Variants in NOP53 observed in about 807,000 individuals in gnomAD.
NOP53 encodes the protein NOP53 ribosome biogenesis factor.
Under a neutral mutation model 61.0 loss-of-function variants are expected in NOP53, and 40 were observed. That is an observed-to-expected ratio of 0.66 (90% confidence interval 0.51 to 0.85). The LOEUF (loss-of-function observed/expected upper bound fraction) is 0.85. NOP53 is among the 40% of genes least tolerant of loss of function. NOP53 has a pLI of 0.00. For synonymous variants in NOP53, 308 were observed against 289.5 expected (o/e 1.06, Z -0.65); for missense variants, 689 against 652.9 (o/e 1.06, Z -0.60).
intron 3 of NOP53, among the ~76,000 whole-genome samples, 180 bp from the exon 4 acceptor site, chr19:47,750,728 G>A (rs1424292415): frequency 6.6e-6 from 1 of 152,122 alleles, no homozygotes; most frequent in Non-Finnish European, 1.5e-5. Context: ...CAGAGGGGAG[G>A]CCTAGGCTGG....
Position 47,754,540 on chromosome 19 carries a change from C to G in NOP53, c.779C>G (p.Ala260Gly). The change falls in exon 7 of 13, where the codon GCG becomes GGG. Residue 260 changes from alanine (A) to glycine (G), a missense_variant. By Grantham distance (60) the Ala-to-Gly change is moderately conservative. Coordinates refer to ENST00000246802, the MANE Select transcript of NOP53 (RefSeq NM_015710.5). The surrounding 1 kb of genome is among the most constrained non-coding windows in gnomAD (Gnocchi z 4.2). Reference sequence around the variant, plus strand: ...CCCGCCCCTCAGACCCTGCTCTCAGCGGCCCACGAGGTGGAGTTGCAGCGG... The same window carrying G: ...CCCGCCCCTCAGACCCTGCTCTCAGGGGCCCACGAGGTGGAGTTGCAGCGG... Reference protein sequence around the residue: ...SFEDHQTLLSAAHEVELQRQK... With the variant: ...SFEDHQTLLSGAHEVELQRQK... 1 of 1,550,302 alleles carries G rather than the reference C, an allele frequency of 6.5e-7. No individual in the cohort carries two copies. Among genetic ancestry groups the G allele is most frequent in the Non-Finnish European group, 8.7e-7 (1 of 1,147,346 alleles).
chr19:47,745,959 T>C, intron 1 of NOP53, 176 bp downstream of exon 1: 4 of 558,576 alleles, frequency 7.2e-6, no homozygotes, highest in Non-Finnish European at 1.3e-5. Flanking sequence ...CATGGGAAGC[T>C]GGAGAGCTTG....
In NOP53 at chr19:47,756,591, C is replaced by T. The variant is rs141718194; in HGVS notation, c.1360C>T (p.Arg454Ter). 5 of 1,614,028 alleles carry T rather than the reference C, an allele frequency of 3.1e-6. No homozygotes were observed. The highest frequency in any genetic ancestry group is 1.1e-5 in the South Asian group (1 of 91,082). ...CCAGAGGAGGAATATGATCGAGCCT[C>T]GAGAGAGAGCCAAGTAAGGGGCGGC... ...SFQRRNMIEP[R>*]ERAKFKRKYK... Residue 454 changes from arginine (R) to a stop codon, truncating the protein, a stop_gained, in exon 11 of 13, where the codon CGA becomes TGA. Transcript: ENST00000246802. LOFTEE classifies it high-confidence loss of function.
In NOP53 at chr19:47,751,580, A is replaced by G. The variant is rs759329135; in HGVS notation, c.659A>G (p.Lys220Arg). 1 of 1,613,618 alleles carries G rather than the reference A, an allele frequency of 6.2e-7. No homozygotes were observed. The highest frequency in any genetic ancestry group is 1.7e-5 in the Admixed American group (1 of 59,996). Residue 220 changes from lysine (K) to arginine (R), a missense_variant, in exon 5 of 13, where the codon AAA becomes AGA. Transcript: ENST00000246802. ...DEFFLEQTKK[K>R]GVKRPARLHT... is the part of the protein sequence containing the mutation. Reference sequence around the variant, plus strand: ...TTTTTCCTGGAGCAGACCAAGAAGAAAGGAGTGAAGGTGAGATGTGTGGGA... The same window carrying G: ...TTTTTCCTGGAGCAGACCAAGAAGAGAGGAGTGAAGGTGAGATGTGTGGGA...
In NOP53 at chr19:47,750,926, C is replaced by T; in HGVS notation, c.417C>T (p.Val139=). The change falls in exon 4 of 13, where the codon GTC becomes GTT. Residue 139 remains valine (V), a synonymous_variant. Transcript: ENST00000246802. ...CGACCAGCGTCCTCGCCCACCAGGT[C>T]CCCAACGCCAAGAAGCTCAGGCGGA... is the stretch of plus-strand genomic sequence containing the variant. ...PAPKDVLAHQ[V]PNAKKLRRKE... The T allele has an allele frequency of 1.3e-6, 2 of 1,593,674 alleles. No individual in the cohort carries two copies. The highest frequency in any genetic ancestry group is 1.7e-6 in the Non-Finnish European group (2 of 1,171,714).
rs553795690 is a variant in NOP53 at position 47,754,154 on chromosome 19, G to A, written c.766-373G>A. The A allele has an allele frequency of 6.9e-5, 14 of 202,516 alleles. No individual in the cohort carries two copies. In the East Asian group the frequency reaches 7.2e-4, roughly 10 times the overall value. 12.5% of individuals were successfully genotyped at this position (202,516 alleles called of 1,614,324 possible). ...TAGCCGGGTATGGTGGCACATGCCT[G>A]TAATAGTAGCTACTCGGGAGGCTGA... On this transcript the variant is annotated intron_variant, in intron 6 of 12. Transcript: ENST00000246802. This position sits in a 1 kb window ranked among gnomAD's most constrained non-coding sequence, Gnocchi z 4.2.
At position 47,747,591 on chromosome 19, in the gene NOP53, G is replaced by A. The variant is rs1231360695; in HGVS notation, c.289+560G>A. ...TGGGAGGTGGAGGTTGCAGTGAGCCGAGATCGCGCCGCTGAACTCCAGCCT... is the reference window on the plus strand; with the variant it reads ...TGGGAGGTGGAGGTTGCAGTGAGCCAAGATCGCGCCGCTGAACTCCAGCCT... On this transcript the variant is annotated intron_variant, in intron 2 of 12. Transcript: ENST00000246802. Among the ~76,000 whole-genome samples the A allele has an allele frequency of 5.3e-5, 8 of 151,508 alleles. No homozygotes were observed. In the South Asian group the frequency reaches 1.3e-3, roughly 24 times the overall value.
At position 47,756,982 on chromosome 19, in the gene NOP53, C is replaced by T. The variant is rs533045336; in HGVS notation, c.1431-17C>T. On this transcript the variant is annotated splice_polypyrimidine_tract_variant and intron_variant, in intron 12 of 12. Transcript: ENST00000246802. ...GCACCCTCTCACCCACCCTCAGCTCCTTTCCTCTGTCCCCAGGTTGTAGCT... is the reference window on the plus strand; with the variant it reads ...GCACCCTCTCACCCACCCTCAGCTCTTTTCCTCTGTCCCCAGGTTGTAGCT... The T allele has an allele frequency of 6.2e-7, 1 of 1,614,136 alleles. No homozygotes were observed. The highest frequency in any genetic ancestry group is 1.1e-5 in the South Asian group (1 of 91,078).
At position 47,750,956 on chromosome 19, in the gene NOP53, G is replaced by A. The variant is rs745842250; in HGVS notation, c.447G>A (p.Glu149=). ...ACGCCAAGAAGCTCAGGCGGAAGGA[G>A]CAGCTATGGGAGAAGCTGGCCAAGC... ...VPNAKKLRRK[E]QLWEKLAKQG... is the part of the protein sequence containing the mutation. Residue 149 remains glutamate, a synonymous_variant, in exon 4 of 13, where the codon GAG becomes GAA. Coordinates refer to ENST00000246802, the MANE Select transcript of NOP53 (RefSeq NM_015710.5). The A allele has an allele frequency of 1.3e-6, 2 of 1,599,564 alleles. No individual in the cohort carries two copies.
chr19:47,756,875 G>C, intron 12 of NOP53, 124 bp from the exon 13 acceptor site: 1 of 1,515,832 alleles, frequency 6.6e-7, no homozygotes, highest in Non-Finnish European at 9.2e-7. Flanking sequence ...CCCAGAAGAG[G>C]CCCTGAAACC....
At chr19:47,750,311 C>T (rs773157581) in intron 3 of NOP53, 25 bp downstream of exon 3, 5 of 1,395,234 alleles carry the variant, frequency 3.6e-6, no homozygotes, top group Non-Finnish European at 4.1e-6. Flanking sequence ...ATCCCTGGGC[C>T]CTTCTTTCCC....
rs1402657981 is a variant in NOP53, at chr19:47,755,499, A to G, written c.1205A>G (p.Lys402Arg). ...RQARREAEAD[K>R]PRRLGRLKYQ... is the part of the protein sequence containing the mutation. Reference sequence around the variant, plus strand: ...GCGCGGCGGGAGGCTGAGGCTGACAAGCCCCGAAGGCTGGGGCGGCTCAAG... The same window carrying G: ...GCGCGGCGGGAGGCTGAGGCTGACAGGCCCCGAAGGCTGGGGCGGCTCAAG... Residue 402 changes from lysine (K) to arginine (R), a missense_variant, in exon 9 of 13, where the codon AAG becomes AGG. Coordinates refer to ENST00000246802, the MANE Select transcript of NOP53 (RefSeq NM_015710.5). 7.5e-6 allele frequency: 11 copies of G among 1,476,448 alleles called. No homozygotes were observed. Among genetic ancestry groups the G allele is most frequent in the Non-Finnish European group, 9.8e-6 (11 of 1,119,166 alleles). 91.5% of individuals were successfully genotyped at this position (1,476,448 alleles called of 1,614,324 possible).
chr19:47,754,738 G>T lies in NOP53; in HGVS notation c.900G>T (p.Gly300=). The T allele has an allele frequency of 6.5e-7, 1 of 1,528,108 alleles. No individual in the cohort carries two copies. Among genetic ancestry groups the T allele is most frequent in the South Asian group, 1.2e-5 (1 of 81,990 alleles). 94.7% of individuals were successfully genotyped at this position (1,528,108 alleles called of 1,614,324 possible). Residue 300 remains glycine, a synonymous_variant, in exon 8 of 13, where the codon GGG becomes GGT. Coordinates refer to ENST00000246802, the MANE Select transcript of NOP53 (RefSeq NM_015710.5). The surrounding 1 kb of genome is among the most constrained non-coding windows in gnomAD (Gnocchi z 4.2). ...QESTFQELCE[G]LLEESDGEGE... is the part of the protein sequence containing the mutation. ...CCACATTCCAGGAGCTGTGCGAGGG[G>T]CTGCTGGAGGAGTCGGATGGTGAGG...
intron 6 of NOP53, chr19:47,752,840 T>C: frequency 2.0e-6 from 1 of 509,496 alleles, no homozygotes; most frequent in Non-Finnish European, 3.5e-6. Context: ...CAGGAAGGGC[T>C]CCCGGGAGGA....
intron 1 of NOP53, chr19:47,746,156 ATATATGTG>A (rs991244885): frequency 1.5e-5 from 3 of 198,172 alleles, no homozygotes; most frequent in African/African-American, 7.0e-5. Context: ...GTGTGTATAT[ATATATGTG>A]TATATGTGTG....
chr19:47,747,597 G>A (rs964535757), intron 2 of NOP53, among the ~76,000 whole-genome samples: 5 of 151,176 alleles, frequency 3.3e-5, no homozygotes, highest in African/African-American at 4.9e-5. Context: ...AGCCGAGATC[G>A]CGCCGCTGAA....
chr19:47,752,021 C>T (rs1001874622), intron 5 of NOP53, among the ~76,000 whole-genome samples: 1 of 151,974 alleles, frequency 6.6e-6, no homozygotes, highest in African/African-American at 2.4e-5. Flanking sequence ...GCAGGAGAAT[C>T]GCTTGGACCA....
rs1967210757 is a variant in NOP53 at position 47,757,039 on chromosome 19, A to T, written c.*34A>T. On this transcript the variant is annotated 3_prime_UTR_variant, in exon 13 of 13. Coordinates refer to ENST00000246802, the MANE Select transcript of NOP53 (RefSeq NM_015710.5). Reference sequence around the variant, plus strand: ...AGATGCCGGAGACTCGCCCTTCAATAAAAAATCTCTTCTAGCTGATCAGTG... The same window carrying T: ...AGATGCCGGAGACTCGCCCTTCAATTAAAAATCTCTTCTAGCTGATCAGTG... 6.3e-7 allele frequency: 1 copy of T among 1,595,492 alleles called. No individual in the cohort carries two copies. The highest frequency in any genetic ancestry group is 8.6e-7 in the Non-Finnish European group (1 of 1,167,856).
In NOP53 at chr19:47,755,517, G is replaced by C; in HGVS notation, c.1223G>C (p.Arg408Pro). Residue 408 changes from arginine to proline, a missense_variant, in exon 9 of 13, where the codon CGG (arginine) becomes CCG (proline). Arg to Pro is a moderately radical substitution (Grantham distance 103). Coordinates refer to ENST00000246802, the MANE Select transcript of NOP53 (RefSeq NM_015710.5). ...AEADKPRRLGRLKYQAPDIDV... is the reference protein window; with the variant it reads ...AEADKPRRLGPLKYQAPDIDV... ...GCTGACAAGCCCCGAAGGCTGGGGCGGCTCAAGTGAGAACCAGGCCGGGGG... is the reference window on the plus strand; with the variant it reads ...GCTGACAAGCCCCGAAGGCTGGGGCCGCTCAAGTGAGAACCAGGCCGGGGG... 1 of 1,466,872 alleles carries C rather than the reference G, an allele frequency of 6.8e-7. No individual in the cohort carries two copies. The highest frequency in any genetic ancestry group is 1.4e-5 in the African/African-American group (1 of 69,428). 90.9% of individuals were successfully genotyped at this position (1,466,872 alleles called of 1,614,324 possible).
Sources: gnomAD v4.1 joint callset for allele counts (sites outside exome capture counted in the v4.1 genomes callset) on GRCh38, gnomAD v4.1.1 for gene constraint, Gnocchi (gnomAD v3.1) non-coding constraint, MANE v1.5 for transcripts, NCBI Gene and HGNC (gene_info 2026-07-23, HGNC 2026-07-21) for gene names.